The following ANKRD44 variants were observed in gnomAD, a reference collection of about 807,000 sequenced individuals.
ANKRD44 encodes serine/threonine-protein phosphatase 6 regulatory ankyrin repeat subunit B.
A neutral mutation model predicts 116.0 loss-of-function variants in ANKRD44; 35 were observed. That is an observed-to-expected ratio of 0.30 (90% CI 0.23 to 0.40). The LOEUF is 0.40. ANKRD44 is among the 10% of genes least tolerant of loss of function. The pLI is 1.00. For missense variants in ANKRD44, 1,014 were observed against 1,242.6 expected, an observed-to-expected ratio of 0.82 and a Z score of 2.77; for synonymous variants, 435 against 461.8, an observed-to-expected ratio of 0.94 and a Z score of 0.74.
intron 8 of ANKRD44, among the ~76,000 whole-genome samples, chr2:197,118,283 A>C (rs532919822): frequency 4.6e-5 from 7 of 150,692 alleles, no homozygotes; most frequent in African/African-American, 1.2e-4. Context: ...AGACTAAAGC[A>C]AATACACAAA....
At chr2:197,093,443 A>G (rs2125192798) in intron 10 of ANKRD44, among the ~76,000 whole-genome samples, 1 of 152,310 alleles carries the variant, frequency 6.6e-6, no homozygotes. Flanking sequence ...ACCTGAGAAG[A>G]TGAAAGAGAT....
At chr2:197,147,646 C>G (rs2079538712) in intron 2 of ANKRD44, among the ~76,000 whole-genome samples, 1 of 151,946 alleles carries the variant, frequency 6.6e-6, no homozygotes, top group Non-Finnish European at 1.5e-5. Context: ...TGCCAGAAAC[C>G]ATATTCTGGG....
intron 1 of ANKRD44, among the ~76,000 whole-genome samples, chr2:197,187,454 G>A (rs776879810): frequency 5.9e-5 from 9 of 152,134 alleles, no homozygotes; most frequent in Non-Finnish European, 1.0e-4. Context: ...TACAATCCCT[G>A]TTATGAATTG....
intron 21 of ANKRD44, among the ~76,000 whole-genome samples, chr2:196,975,217 T>C (rs907280935): frequency 6.6e-5 from 10 of 152,160 alleles, no homozygotes; most frequent in Non-Finnish European, 7.3e-5. Flanking sequence ...TCTGTGTGAA[T>C]AGACAAATTC....
At chr2:196,975,613 GT>G (rs34870683) in intron 21 of ANKRD44, among the ~76,000 whole-genome samples, 86,051 of 144,680 alleles carry the variant, frequency 0.59, 26,534 homozygotes, top group East Asian at 0.83. Context: ...GTGTCACACT[GT>G]TTTTTTTTTT....
chr2:196,996,199 A>G (rs1003435067), intron 25 of ANKRD44, among the ~76,000 whole-genome samples: 1 of 152,300 alleles, frequency 6.6e-6, no homozygotes, highest in Non-Finnish European at 1.5e-5. Flanking sequence ...TCTGCCCCAG[A>G]CCTAATATAT....
chr2:197,263,086 T>C, intron 1 of ANKRD44: 1 of 449,480 alleles, frequency 2.2e-6, no homozygotes. Flanking sequence ...CCAGCTCTCC[T>C]GCCACAGCCC....
intron 2 of ANKRD44, among the ~76,000 whole-genome samples, chr2:197,170,550 G>T (rs2080207963): frequency 6.6e-6 from 1 of 152,174 alleles, no homozygotes; most frequent in Non-Finnish European, 1.5e-5. Flanking sequence ...CTGAGTCACT[G>T]GCAGCAACTT....
At chr2:197,234,521 T>C (rs2081938333) in intron 1 of ANKRD44, among the ~76,000 whole-genome samples, 1 of 152,224 alleles carries the variant, frequency 6.6e-6, no homozygotes, top group South Asian at 2.1e-4. Flanking sequence ...TTTTGTTTTG[T>C]TAAATAATTG....
intron 16 of ANKRD44, among the ~76,000 whole-genome samples, chr2:197,054,586 A>G (rs1405105916): frequency 1.3e-5 from 2 of 152,244 alleles, no homozygotes; most frequent in Non-Finnish European, 2.9e-5. Context: ...TCTTGATATT[A>G]GCCAGTAAGT....
chr2:197,077,217 T>TCAGATCCAAA (rs1430594777), intron 16 of ANKRD44, among the ~76,000 whole-genome samples: 1 of 152,242 alleles, frequency 6.6e-6, no homozygotes, highest in Non-Finnish European at 1.5e-5. Context: ...TATGAGATGG[T>TCAGATCCAAA]ACCTCATTAT....
intron 1 of ANKRD44, among the ~76,000 whole-genome samples, chr2:197,294,903 CT>C (rs1254833296): frequency 1.3e-5 from 2 of 152,152 alleles, no homozygotes; most frequent in African/African-American, 2.4e-5. Flanking sequence ...CATCTTGGCT[CT>C]TTGAGTGCAT....
chr2:197,290,594 G>A (rs1045435300), intron 1 of ANKRD44, among the ~76,000 whole-genome samples: 11 of 152,186 alleles, frequency 7.2e-5, no homozygotes, highest in African/African-American at 2.6e-4. Context: ...AAAAGAAAGA[G>A]CCTCATCAAC....
chr2:197,302,671 T>G (rs1227660142), intron 1 of ANKRD44, among the ~76,000 whole-genome samples: 9 of 152,152 alleles, frequency 5.9e-5, no homozygotes, highest in Admixed American at 5.9e-4. Context: ...TTATGCTCAC[T>G]TTCCTTTTTC....
At chr2:197,268,492 A>G (rs1179276788) in intron 1 of ANKRD44, among the ~76,000 whole-genome samples, 1 of 152,200 alleles carries the variant, frequency 6.6e-6, no homozygotes, top group African/African-American at 2.4e-5. Flanking sequence ...TTTATTCCTC[A>G]CTTTAAGTCT....
chr2:197,005,999 G>T, intron 20 of ANKRD44, 89 bp from the exon 21 acceptor site: 2 of 1,202,140 alleles, frequency 1.7e-6, no homozygotes, highest in Non-Finnish European at 2.4e-6. Context: ...CTTAGAGCAA[G>T]TGGACATATG....
At chr2:197,268,473 G>A (rs1486435220) in intron 1 of ANKRD44, among the ~76,000 whole-genome samples, 2 of 152,136 alleles carry the variant, frequency 1.3e-5, no homozygotes, top group Non-Finnish European at 2.9e-5. Context: ...CTTCACATTC[G>A]TTATCTCATT....
chr2:197,134,055 G>A (rs1314418420), intron 4 of ANKRD44: 2 of 138,128 alleles, frequency 1.4e-5, no homozygotes, highest in East Asian at 5.0e-4. Context: ...CCAGGTTCAA[G>A]TGATTCTCCT....
At chr2:197,249,540 T>C (rs1290455695) in intron 1 of ANKRD44, among the ~76,000 whole-genome samples, 2 of 152,210 alleles carry the variant, frequency 1.3e-5, no homozygotes, top group Non-Finnish European at 2.9e-5. Context: ...ATTTTAGAGA[T>C]GTAATTTCAG....
Sources: gnomAD v4.1 joint callset for allele counts (sites outside exome capture counted in the v4.1 genomes callset) on GRCh38, gnomAD v4.1.1 for gene constraint, MANE v1.5 for transcripts, NCBI Gene and HGNC (gene_info 2026-07-23, HGNC 2026-07-21) for gene names.